Variants in PANX1 observed in about 807,000 individuals in gnomAD.
PANX1 encodes the protein pannexin-1.
A neutral mutation model predicts 38.7 loss-of-function variants in PANX1; 30 were observed. The ratio of observed to expected loss-of-function variants is 0.78; its 90% CI spans 0.58 to 1.05. The LOEUF (loss-of-function observed/expected upper bound fraction) is 1.05, where lower values mean the gene tolerates loss of function less well. Among genes scored for constraint, PANX1 ranks in the 50% least tolerant of loss-of-function variants. The pLI is 0.00. For missense variants in PANX1, 551 were observed against 517.2 expected, an observed-to-expected ratio of 1.07 and a Z score of -0.63; for synonymous variants, 230 against 212.2, an observed-to-expected ratio of 1.08 and a Z score of -0.73.
intron 1 of PANX1, among the ~76,000 whole-genome samples, chr11:94,142,252 A>T (rs922700557): frequency 1.3e-5 from 2 of 152,038 alleles, no homozygotes; most frequent in African/African-American, 4.8e-5. Flanking sequence ...GTTAAGCGCC[A>T]CCACCAACCT....
At chr11:94,147,163 T>C (rs1044507931) in intron 1 of PANX1, among the ~76,000 whole-genome samples, 4 of 152,220 alleles carry the variant, frequency 2.6e-5, no homozygotes, top group East Asian at 1.9e-4. Context: ...ATAAAATATT[T>C]AATTTTAAAT....
intron 1 of PANX1, among the ~76,000 whole-genome samples, chr11:94,137,510 C>T (rs1474223560): frequency 6.6e-6 from 1 of 152,002 alleles, no homozygotes; most frequent in Non-Finnish European, 1.5e-5. Flanking sequence ...AATTTGGGGG[C>T]ATTTGCCCTG....
intron 2 of PANX1, among the ~76,000 whole-genome samples, chr11:94,161,626 T>A (rs1050197719): frequency 6.6e-6 from 1 of 151,388 alleles, no homozygotes; most frequent in African/African-American, 2.5e-5. Context: ...ATTTGTCTAA[T>A]TTTTTTTCAA....
Position 94,137,839 on chromosome 11 carries a change from A to G in PANX1, c.181+8346A>G, listed in dbSNP as rs61285551. ...CAGAAGAGAAAATAGCAGTACATCT[A>G]TAATACTACCAGGGATAACTACTAT... On this transcript the variant is annotated intron_variant, in intron 1 of 4. Transcript: ENST00000227638. Among the ~76,000 whole-genome samples the G allele has an allele frequency of 1.5e-3, 215 of 147,308 alleles. 2 individuals are homozygous for G. Among genetic ancestry groups the G allele is most frequent in the African/African-American group, 5.2e-3 (206 of 39,664 alleles).
chr11:94,167,477 C>T (rs1037035881), intron 2 of PANX1, among the ~76,000 whole-genome samples: 5 of 152,130 alleles, frequency 3.3e-5, no homozygotes, highest in Admixed American at 6.5e-5. Context: ...AATTCTTGCT[C>T]AGGTTTTTCA....
intron 2 of PANX1, among the ~76,000 whole-genome samples, chr11:94,177,347 T>TA (rs1427978400): frequency 6.6e-6 from 1 of 151,344 alleles, no homozygotes; most frequent in Non-Finnish European, 1.5e-5. Flanking sequence ...GCAATACTCT[T>TA]ATGTCTTATT....
At chr11:94,142,396 C>A (rs906940232) in intron 1 of PANX1, among the ~76,000 whole-genome samples, 2 of 152,152 alleles carry the variant, frequency 1.3e-5, no homozygotes, top group African/African-American at 4.8e-5. Flanking sequence ...TGCCTTTACT[C>A]ATAAATTTAA....
At chr11:94,177,407 C>G (rs1947246650) in intron 2 of PANX1, among the ~76,000 whole-genome samples, 2 of 151,658 alleles carry the variant, frequency 1.3e-5, no homozygotes, top group Non-Finnish European at 2.9e-5. Context: ...CATCAAGGGC[C>G]TAGACCAGGG....
intron 2 of PANX1, among the ~76,000 whole-genome samples, chr11:94,164,309 C>T (rs566290882): frequency 2.0e-5 from 3 of 152,160 alleles, no homozygotes; most frequent in Admixed American, 1.3e-4. Flanking sequence ...TATTTGAAGT[C>T]TTTCTACTTT....
At chr11:94,147,037 T>G (rs7125968) in intron 1 of PANX1, among the ~76,000 whole-genome samples, 2 of 152,244 alleles carry the variant, frequency 1.3e-5, no homozygotes, top group East Asian at 3.9e-4. Context: ...TATATATGCA[T>G]AGAGAGAGAG....
intron 2 of PANX1, among the ~76,000 whole-genome samples, chr11:94,162,706 G>A (rs1947058841): frequency 6.6e-6 from 1 of 152,068 alleles, no homozygotes; most frequent in Non-Finnish European, 1.5e-5. Flanking sequence ...CTCACGCTGG[G>A]TGCGCGGCAC....
intron 1 of PANX1, among the ~76,000 whole-genome samples, chr11:94,135,869 G>A (rs905701015): frequency 6.6e-6 from 1 of 152,126 alleles, no homozygotes; most frequent in Non-Finnish European, 1.5e-5. Context: ...ATACCATAGT[G>A]GCTTGCTTTT....
chr11:94,167,129 C>T (rs1236617533), intron 2 of PANX1, among the ~76,000 whole-genome samples: 1 of 152,140 alleles, frequency 6.6e-6, no homozygotes, highest in Non-Finnish European at 1.5e-5. Flanking sequence ...TTGTGTGAGG[C>T]TTTGACAAGG....
At chr11:94,161,892 A>G (rs1298152409) in intron 2 of PANX1, among the ~76,000 whole-genome samples, 6 of 152,000 alleles carry the variant, frequency 3.9e-5, no homozygotes, top group Non-Finnish European at 8.8e-5. Flanking sequence ...TACAGATGGA[A>G]TTTTGGTGTG....
At chr11:94,147,898 T>TG (rs1798285690) in intron 1 of PANX1, among the ~76,000 whole-genome samples, 1 of 152,114 alleles carries the variant, frequency 6.6e-6, no homozygotes, top group Non-Finnish European at 1.5e-5. Context: ...TCAACAGGGT[T>TG]GGGGAGGGAA....
intron 2 of PANX1, among the ~76,000 whole-genome samples, chr11:94,166,019 ACAAGC>A (rs1297498510): frequency 1.3e-5 from 2 of 152,214 alleles, no homozygotes; most frequent in African/African-American, 4.8e-5. Context: ...AAATAAAAAA[ACAAGC>A]CAAAAGAAAA....
intron 2 of PANX1, among the ~76,000 whole-genome samples, chr11:94,157,791 G>A (rs1413407634): frequency 2.0e-5 from 3 of 152,128 alleles, no homozygotes; most frequent in African/African-American, 4.8e-5. Context: ...ATTGCTTTTG[G>A]TGTTTTAGAC....
chr11:94,169,557 T>A (rs1035211568), intron 2 of PANX1, among the ~76,000 whole-genome samples: 3 of 151,682 alleles, frequency 2.0e-5, no homozygotes, highest in Non-Finnish European at 4.4e-5. Flanking sequence ...GATGGGGTCT[T>A]ACTGCAGTAG....
chr11:94,175,855 C>T (rs1041789755), intron 2 of PANX1: 20 of 984,690 alleles, frequency 2.0e-5, no homozygotes, highest in South Asian at 9.4e-5. Context: ...CACCTCATCC[C>T]GTGCCAGAAT....
Sources: allele counts gnomAD v4.1 joint callset (sites outside exome capture counted in the v4.1 genomes callset), GRCh38; gene constraint gnomAD v4.1.1; transcripts MANE v1.5; gene names NCBI Gene and HGNC (gene_info 2026-07-23, HGNC 2026-07-21).